Variants in INSR observed in about 807,000 individuals in gnomAD.
INSR encodes the protein IR.
Under a neutral mutation model 142.6 loss-of-function variants are expected in INSR, and 67 were observed. The observed-to-expected ratio is 0.47, with a 90% CI of 0.39 to 0.58. The LOEUF is 0.58. INSR is among the 20% of genes least tolerant of loss of function. The probability of loss-of-function intolerance (pLI) is 0.00; values close to 1 mark genes in which losing one functional copy is unlikely to be tolerated. For missense variants in INSR, 1,248 were observed against 1,833.2 expected (o/e 0.68, Z 5.83); for synonymous variants, 756 against 743.1 (o/e 1.02, Z -0.28).
chr19:7,232,190 T>G (rs543997055), intron 2 of INSR, among the ~76,000 whole-genome samples: 11 of 148,808 alleles, frequency 7.4e-5, no homozygotes, highest in African/African-American at 2.7e-4. Context: ...TTGAACTCAA[T>G]GCTTCAGATC....
chr19:7,282,076 G>A (rs531275401), intron 1 of INSR, among the ~76,000 whole-genome samples: 49 of 152,234 alleles, frequency 3.2e-4, no homozygotes, highest in East Asian at 7.7e-4. Flanking sequence ...CTAAAACCCC[G>A]CGAGCCGGCG....
At chr19:7,203,295 T>A (rs1011176087) in intron 2 of INSR, among the ~76,000 whole-genome samples, 5 of 152,122 alleles carry the variant, frequency 3.3e-5, no homozygotes, top group Non-Finnish European at 5.9e-5. Context: ...ATGCAAAAGC[T>A]CTCCCTCTCT....
At chr19:7,215,777 C>T (rs912976894) in intron 2 of INSR, among the ~76,000 whole-genome samples, 14 of 151,740 alleles carry the variant, frequency 9.2e-5, no homozygotes, top group Non-Finnish European at 1.3e-4. Context: ...CCATGTTGGC[C>T]TGGCTGGTCT....
chr19:7,252,201 G>T (rs759897721), intron 2 of INSR, among the ~76,000 whole-genome samples: 37 of 152,076 alleles, frequency 2.4e-4, no homozygotes, highest in Non-Finnish European at 4.4e-4. Context: ...CTTGAGGTCA[G>T]GAGTTCAAGA....
At chr19:7,149,394 C>T (rs1369290081) in intron 11 of INSR, among the ~76,000 whole-genome samples, 1 of 152,198 alleles carries the variant, frequency 6.6e-6, no homozygotes, top group Non-Finnish European at 1.5e-5. Flanking sequence ...CCCAACTTGC[C>T]TCTTTAGTCT....
At position 7,166,431 on chromosome 19, in the gene INSR, G is replaced by C. The variant is rs1249222461; in HGVS notation, c.1611-27C>G. ...TTTCAAGACAAAACAGCAGAAGGCA[G>C]TTACCCTTACAAGACCGTCACACTG... On this transcript the variant is annotated intron_variant, in intron 7 of 21. Transcript: ENST00000302850. The surrounding 1 kb of genome is among the most constrained non-coding windows in gnomAD (Gnocchi z 4.1). 2 of 1,612,182 alleles carry C rather than the reference G, an allele frequency of 1.2e-6. No homozygotes were observed. The highest frequency in any genetic ancestry group is 2.2e-5 in the South Asian group (2 of 90,880).
At chr19:7,292,123 G>A (rs1011348661) in intron 1 of INSR, among the ~76,000 whole-genome samples, 6 of 145,850 alleles carry the variant, frequency 4.1e-5, no homozygotes, top group African/African-American at 1.3e-4. Context: ...ACAAAGTCTC[G>A]CTCTTTGGCC....
intron 1 of INSR, among the ~76,000 whole-genome samples, chr19:7,290,645 C>T (rs1004800188): frequency 2.0e-5 from 3 of 151,796 alleles, no homozygotes; most frequent in South Asian, 2.1e-4. Context: ...TGGTGATACA[C>T]GACTGTAATC....
chr19:7,195,295 TACTA>T (rs61648240), intron 2 of INSR, among the ~76,000 whole-genome samples: 4,082 of 152,290 alleles, frequency 0.027, 171 homozygotes, highest in African/African-American at 0.091. Context: ...TTCCATATAT[TACTA>T]ACCCTAGCTT....
chr19:7,249,931 AC>A (rs1288321642), intron 2 of INSR, among the ~76,000 whole-genome samples: 1 of 151,846 alleles, frequency 6.6e-6, no homozygotes, highest in Non-Finnish European at 1.5e-5. Context: ...GGTGGAGGTT[AC>A]AGACAGCTGA....
intron 2 of INSR, among the ~76,000 whole-genome samples, chr19:7,213,641 A>G (rs977102676): frequency 3.2e-4 from 49 of 152,206 alleles, no homozygotes; most frequent in African/African-American, 1.1e-3. Flanking sequence ...CACCTTCAAC[A>G]ACTCACGTCC....
At chr19:7,234,216 T>C (rs757071470) in intron 2 of INSR, among the ~76,000 whole-genome samples, 10 of 151,824 alleles carry the variant, frequency 6.6e-5, no homozygotes, top group Non-Finnish European at 1.5e-4. Context: ...GCCCCTATTA[T>C]TTTAAATGGA....
chr19:7,293,739 G>T (rs1968559101), intron 1 of INSR, 53 bp downstream of exon 1: 1 of 1,282,062 alleles, frequency 7.8e-7, no homozygotes, highest in Non-Finnish European at 9.9e-7. Flanking sequence ...GCTTGGGTGG[G>T]GTCCTCTCCC....
chr19:7,235,061 A>AAATAAT (rs35762925), intron 2 of INSR, among the ~76,000 whole-genome samples: 61 of 150,452 alleles, frequency 4.1e-4, no homozygotes, highest in South Asian at 3.0e-3. Context: ...CCGTCTCAAA[A>AAATAAT]AATAATAATA....
At chr19:7,188,489 G>A (rs1408648553) in intron 2 of INSR, among the ~76,000 whole-genome samples, 1 of 149,604 alleles carries the variant, frequency 6.7e-6, no homozygotes, top group African/African-American at 2.5e-5. Flanking sequence ...GGGAGGTGGA[G>A]GTTGCAGTGA....
Position 7,117,416 on chromosome 19 carries a change from G to A in INSR, c.3795-6C>T, listed in dbSNP as rs565220560. 2.3e-4 allele frequency: 364 copies of A among 1,607,770 alleles called. 4 individuals carry two copies. The South Asian group carries it at 3.9e-3, about 17-fold the overall frequency. On this transcript the variant is annotated splice_polypyrimidine_tract_variant and splice_region_variant and intron_variant, in intron 21 of 21. Coordinates refer to ENST00000302850, the MANE Select transcript of INSR (RefSeq NM_000208.4). ...ACATGCGCATGAGGTCAGTGCTGCGGGGCAGAAGGACACGTCCTGGGTGAG... is the reference window on the plus strand; with the variant it reads ...ACATGCGCATGAGGTCAGTGCTGCGAGGCAGAAGGACACGTCCTGGGTGAG...
Position 7,294,021 on chromosome 19 carries a change from G to A in INSR, c.-130C>T. The stretch of plus-strand genomic sequence containing the variant: ...TTCTCTTCCACGCCCGCGACCCGCG[G>A]GCCGCAGCCCCCCTGCCGGGGAGGG... On this transcript the variant is annotated 5_prime_UTR_variant, in exon 1 of 22. Transcript: ENST00000302850. 1 of 1,018,356 alleles carries A rather than the reference G, an allele frequency of 9.8e-7. No individual in the cohort carries two copies. The highest frequency in any genetic ancestry group is 1.2e-6 in the Non-Finnish European group (1 of 829,910). 63.1% of individuals were successfully genotyped at this position (1,018,356 alleles called of 1,614,324 possible). A position where few individuals can be genotyped will look rare whatever the true frequency, so the allele number is the denominator to read the frequency against.
chr19:7,183,500 T>C (rs1974329112), intron 3 of INSR, among the ~76,000 whole-genome samples: 1 of 152,158 alleles, frequency 6.6e-6, no homozygotes, highest in South Asian at 2.1e-4. Flanking sequence ...GATTATACTG[T>C]CCTTCAGAGA....
At chr19:7,287,326 AT>A (rs1187352028) in intron 1 of INSR, among the ~76,000 whole-genome samples, 1 of 151,584 alleles carries the variant, frequency 6.6e-6, no homozygotes, top group Non-Finnish European at 1.5e-5. Context: ...CGCCTGGCTA[AT>A]TTTGTATTTT....
Sources: gnomAD v4.1 joint callset for allele counts (sites outside exome capture counted in the v4.1 genomes callset) on GRCh38, gnomAD v4.1.1 for gene constraint, Gnocchi (gnomAD v3.1) non-coding constraint, MANE v1.5 for transcripts, NCBI Gene and HGNC (gene_info 2026-07-23, HGNC 2026-07-21) for gene names.